The following CEP192 variants were observed in gnomAD, a reference collection of about 807,000 sequenced individuals.
CEP192 encodes the protein centrosomal protein 192.
In CEP192, 151 loss-of-function variants were observed where a neutral mutation model predicts 271.8. The ratio of observed to expected loss-of-function variants is 0.56; its 90% CI spans 0.49 to 0.64. The LOEUF (loss-of-function observed/expected upper bound fraction) is 0.64. Ranked by LOEUF, CEP192 falls within the 30% of genes least tolerant of loss-of-function variation. The probability of loss-of-function intolerance (pLI) is 0.00; values close to 1 mark genes in which losing one functional copy is unlikely to be tolerated. For synonymous variants in CEP192, 995 were observed against 1,076.5 expected (o/e 0.92, Z 1.48); for missense variants, 2,910 against 3,020.5 (o/e 0.96, Z 0.86).
At position 13,057,438 on chromosome 18, in the gene CEP192, C is replaced by A. The variant is rs954401431; in HGVS notation, c.4109-147C>A. 2.7e-5 allele frequency: 21 copies of A among 767,250 alleles called. No individual in the cohort carries two copies. In the Admixed American group the frequency reaches 7.2e-4, roughly 26 times the overall value. The allele number at this position is 767,250 out of a possible 1,614,324, so 47.5% of individuals were successfully genotyped here. ...TGGCAGGCCTCTGAGGCTCATGCAA[C>A]ATCAAGGACTCCTTCATCTGGAGCA... On this transcript the variant is annotated intron_variant, in intron 19 of 44. Transcript: ENST00000506447.
chr18:13,050,239 A>G (rs1672865528), intron 17 of CEP192, among the ~76,000 whole-genome samples: 2 of 152,158 alleles, frequency 1.3e-5, no homozygotes, highest in African/African-American at 4.8e-5. Flanking sequence ...TAAAATTTTA[A>G]TTTTATGAAT....
At chr18:13,009,610 A>G (rs2034208937) in intron 4 of CEP192, among the ~76,000 whole-genome samples, 1 of 151,924 alleles carries the variant, frequency 6.6e-6, no homozygotes. Flanking sequence ...AGGTGGGCAG[A>G]TCACCTGAGG....
At chr18:13,034,881 G>A (rs2035834514) in intron 11 of CEP192, among the ~76,000 whole-genome samples, 2 of 150,142 alleles carry the variant, frequency 1.3e-5, no homozygotes, top group African/African-American at 2.4e-5. Flanking sequence ...CCTCCTTGCC[G>A]ACAGCTCAGC....
intron 27 of CEP192, 63 bp downstream of exon 27, chr18:13,069,919 G>T (rs2037921660): frequency 1.0e-6 from 1 of 966,532 alleles, no homozygotes; most frequent in Non-Finnish European, 1.6e-6. Flanking sequence ...CCAGCACTTT[G>T]GGAGGCCGAG....
rs1045557365 is a variant in CEP192 at position 13,009,445 on chromosome 18, T to A, written c.466+814T>A. Among the ~76,000 whole-genome samples, 12 of 152,222 alleles carry A rather than the reference T, an allele frequency of 7.9e-5. No homozygotes were observed. In the East Asian group the frequency reaches 2.3e-3, roughly 29 times the overall value. ...TTTGTTTCTAAGCCTATTTTTTTTA[T>A]AAAACTGATGAATTATAAGTTCTAA... On this transcript the variant is annotated intron_variant, in intron 4 of 44. Coordinates refer to ENST00000506447, the MANE Select transcript of CEP192 (RefSeq NM_032142.4).
chr18:13,046,829 C>CTTTTTTTTTTTT (rs574030180), intron 15 of CEP192, among the ~76,000 whole-genome samples: 1 of 122,376 alleles, frequency 8.2e-6, no homozygotes, highest in Non-Finnish European at 1.7e-5. Flanking sequence ...AATATCCTTA[C>CTTTTTTTTTTTT]TTTTTTTTTT....
rs990166867 is a variant in CEP192 at position 13,069,855 on chromosome 18, A to G, written c.5173A>G (p.Arg1725Gly). ...AAAGGATCCTGAAGCCTGCGAGGAA[A>G]GGTAATATAAAAATGTTATAATGGA... ...TPKDPEACEE[R>G]ILKIFVQPFG... Residue 1725 changes from arginine (R) to glycine (G), a missense_variant and splice_region_variant, in exon 27 of 45, where the codon AGG (arginine) becomes GGG (glycine). Physicochemically the swap from Arg to Gly is moderately radical, Grantham distance 125. Coordinates refer to ENST00000506447, the MANE Select transcript of CEP192 (RefSeq NM_032142.4). The G allele has an allele frequency of 1.3e-6, 2 of 1,548,536 alleles. No individual in the cohort carries two copies. Among genetic ancestry groups the G allele is most frequent in the Non-Finnish European group, 1.8e-6 (2 of 1,121,220 alleles).
rs991879479 is a variant in CEP192, at chr18:13,105,201, A to C, written c.7047+122A>C. 8 of 714,820 alleles carry C rather than the reference A, an allele frequency of 1.1e-5. No individual in the cohort carries two copies. In the African/African-American group the frequency reaches 1.2e-4, roughly 11 times the overall value. The allele number at this position is 714,820 out of a possible 1,614,324, so 44.3% of individuals were successfully genotyped here. On this transcript the variant is annotated intron_variant, in intron 40 of 44. Transcript: ENST00000506447. Reference sequence around the variant, plus strand: ...TGCTACTCACAGAGCCAGTCTGCACACGAGAGAAGAGTCTGCCTCACTTAC... The same window carrying C: ...TGCTACTCACAGAGCCAGTCTGCACCCGAGAGAAGAGTCTGCCTCACTTAC...
chr18:13,119,921 T>G (rs1391669641), intron 44 of CEP192, among the ~76,000 whole-genome samples: 2 of 152,232 alleles, frequency 1.3e-5, no homozygotes, highest in African/African-American at 4.8e-5. Context: ...AATTATGGCT[T>G]TATGTCACTG....
At chr18:13,109,505 C>T (rs2040111243) in intron 40 of CEP192, among the ~76,000 whole-genome samples, 1 of 152,042 alleles carries the variant, frequency 6.6e-6, no homozygotes, top group African/African-American at 2.4e-5. Context: ...AGGTAACAAA[C>T]CTGCGCATGT....
chr18:13,060,730 C>T (rs1350496769), intron 21 of CEP192, among the ~76,000 whole-genome samples: 1 of 151,946 alleles, frequency 6.6e-6, no homozygotes, highest in Non-Finnish European at 1.5e-5. Context: ...CGAGACCAGC[C>T]TGGACAACAT....
chr18:13,101,908 G>A (rs941470553), intron 38 of CEP192, among the ~76,000 whole-genome samples: 1 of 152,004 alleles, frequency 6.6e-6, no homozygotes, highest in Admixed American at 6.5e-5. Flanking sequence ...CCTTATAGTT[G>A]CTGTTTCACA....
In CEP192 at chr18:13,047,269, C is replaced by T. The variant is rs142188992; in HGVS notation, c.2068-1590C>T. 3.2e-4 allele frequency among the ~76,000 whole-genome samples: 49 copies of T among 152,256 alleles called. No homozygotes were observed. The East Asian group carries it at 9.1e-3, about 28-fold the overall frequency. ...CATCCTTATGAGAACCAGTTGGATG[C>T]TGGTTTACCTTTACTGCTGGGGTGT... is the stretch of plus-strand genomic sequence containing the variant. On this transcript the variant is annotated intron_variant, in intron 15 of 44. Coordinates refer to ENST00000506447, the MANE Select transcript of CEP192 (RefSeq NM_032142.4).
At chr18:13,038,341 A>C (rs1328927425) in intron 12 of CEP192, 29 bp from the exon 13 acceptor site, 1 of 1,516,734 alleles carries the variant, frequency 6.6e-7, no homozygotes, top group South Asian at 1.2e-5. Context: ...TGCTGGGGGA[A>C]AGAAACGAAA....
At chr18:13,072,380 G>T (rs574686707) in intron 28 of CEP192, among the ~76,000 whole-genome samples, 3 of 152,140 alleles carry the variant, frequency 2.0e-5, no homozygotes, top group African/African-American at 7.2e-5. Flanking sequence ...CTGAAAGCTC[G>T]CTTGGTTGAG....
At chr18:13,018,767 T>C (rs955187177) in intron 8 of CEP192, among the ~76,000 whole-genome samples, 152 bp downstream of exon 8, 1 of 152,194 alleles carries the variant, frequency 6.6e-6, no homozygotes, top group Admixed American at 6.5e-5. Flanking sequence ...CAAAAGAGCT[T>C]TTAATAATAG....
At chr18:12,999,220 A>C (rs938998941) in intron 1 of CEP192, among the ~76,000 whole-genome samples, 22 of 152,194 alleles carry the variant, frequency 1.4e-4, no homozygotes, top group African/African-American at 4.6e-4. Flanking sequence ...TTTAATGTTT[A>C]AGGTTTCTAT....
At chr18:13,004,457 G>C (rs2033856648) in intron 3 of CEP192, among the ~76,000 whole-genome samples, 1 of 152,158 alleles carries the variant, frequency 6.6e-6, no homozygotes, top group South Asian at 2.1e-4. Flanking sequence ...GCAGTGCGGG[G>C]AGTGGCTTTA....
chr18:13,067,299 T>TG (rs2037761995), intron 21 of CEP192, among the ~76,000 whole-genome samples: 1 of 152,090 alleles, frequency 6.6e-6, no homozygotes, highest in Non-Finnish European at 1.5e-5. Flanking sequence ...TGATATCCGG[T>TG]GGGGGTTCCT....
Sources: allele counts gnomAD v4.1 joint callset (sites outside exome capture counted in the v4.1 genomes callset), GRCh38; gene constraint gnomAD v4.1.1; transcripts MANE v1.5; gene names NCBI Gene and HGNC (gene_info 2026-07-23, HGNC 2026-07-21).